Variants in TMEM200A observed in about 807,000 individuals in gnomAD.
TMEM200A encodes the protein transmembrane protein 200A, also known as two transmembrane C.
Under a neutral mutation model 24.3 loss-of-function variants are expected in TMEM200A, and 12 were observed. The observed-to-expected ratio is 0.49, with a 90% CI of 0.32 to 0.80. The LOEUF (loss-of-function observed/expected upper bound fraction) is 0.80. TMEM200A is among the 30% of genes least tolerant of loss of function. The pLI is 0.04. For missense variants in TMEM200A, 545 were observed against 614.4 expected, an observed-to-expected ratio of 0.89 and a Z score of 1.19; for synonymous variants, 224 against 224.4, an observed-to-expected ratio of 1.00 and a Z score of 0.02.
At chr6:130,430,434 A>T (rs957356556) in intron 2 of TMEM200A, among the ~76,000 whole-genome samples, 2 of 152,312 alleles carry the variant, frequency 1.3e-5, no homozygotes, top group South Asian at 4.1e-4. Flanking sequence ...AAACAGACCG[A>T]GAAATACATT....
chr6:130,385,410 T>C (rs1778689331), intron 2 of TMEM200A, among the ~76,000 whole-genome samples, 174 bp downstream of exon 2: 1 of 152,226 alleles, frequency 6.6e-6, no homozygotes, highest in Admixed American at 6.5e-5. Flanking sequence ...ACCAGATGTC[T>C]TATTTGGACA....
At chr6:130,422,576 T>C (rs890435812) in intron 2 of TMEM200A, among the ~76,000 whole-genome samples, 4 of 152,198 alleles carry the variant, frequency 2.6e-5, no homozygotes, top group African/African-American at 9.6e-5. Flanking sequence ...CTTATTGTAC[T>C]TTTTAATGTT....
intron 2 of TMEM200A, among the ~76,000 whole-genome samples, chr6:130,411,130 T>C (rs1256195061): frequency 1.3e-5 from 2 of 151,924 alleles, no homozygotes; most frequent in Non-Finnish European, 2.9e-5. Flanking sequence ...GATTGTGCCA[T>C]TGCATTCCAG....
intron 2 of TMEM200A, among the ~76,000 whole-genome samples, chr6:130,427,602 G>A (rs556541203): frequency 1.3e-5 from 2 of 152,000 alleles, no homozygotes; most frequent in Admixed American, 6.6e-5. Flanking sequence ...TGGACATTTC[G>A]ATTTTTGAAA....
intron 1 of TMEM200A, among the ~76,000 whole-genome samples, chr6:130,369,614 C>A (rs994378639): frequency 2.0e-5 from 3 of 152,172 alleles, no homozygotes; most frequent in African/African-American, 4.8e-5. Context: ...TTGACTATCA[C>A]AGAGTAATTG....
At chr6:130,394,422 G>A (rs1235416707) in intron 2 of TMEM200A, among the ~76,000 whole-genome samples, 1 of 152,178 alleles carries the variant, frequency 6.6e-6, no homozygotes, top group Non-Finnish European at 1.5e-5. Context: ...ACTCAGAGTG[G>A]CAGGGGTGGC....
Position 130,441,922 on chromosome 6 carries a change from C to T in TMEM200A, c.*24C>T. Reference sequence around the variant, plus strand: ...AATGTTAAAAGAATATATCATTTTACAAGGGTATATATTTTAAAACGATTT... The same window carrying T: ...AATGTTAAAAGAATATATCATTTTATAAGGGTATATATTTTAAAACGATTT... On this transcript the variant is annotated 3_prime_UTR_variant, in exon 3 of 3. Transcript: ENST00000296978. 1 of 1,561,962 alleles carries T rather than the reference C, an allele frequency of 6.4e-7. No homozygotes were observed. The highest frequency in any genetic ancestry group is 8.6e-7 in the Non-Finnish European group (1 of 1,156,820).
chr6:130,404,753 A>G (rs974176336), intron 2 of TMEM200A, among the ~76,000 whole-genome samples: 2 of 126,638 alleles, frequency 1.6e-5, no homozygotes, highest in African/African-American at 8.2e-5. Context: ...GCCCTTACCT[A>G]TGTCCTGAAT....
intron 1 of TMEM200A, among the ~76,000 whole-genome samples, chr6:130,381,005 G>A (rs866118292): frequency 6.6e-6 from 1 of 152,120 alleles, no homozygotes; most frequent in Non-Finnish European, 1.5e-5. Context: ...TAAAAATTAA[G>A]TTTCAGAAGT....
intron 2 of TMEM200A, among the ~76,000 whole-genome samples, chr6:130,412,347 G>A (rs953800798): frequency 2.0e-5 from 3 of 151,988 alleles, no homozygotes; most frequent in African/African-American, 7.3e-5. Context: ...CTGCCCCACA[G>A]GGACTCCTGC....
At chr6:130,427,483 G>A (rs548296447) in intron 2 of TMEM200A, among the ~76,000 whole-genome samples, 6 of 152,092 alleles carry the variant, frequency 3.9e-5, no homozygotes, top group Non-Finnish European at 7.4e-5. Context: ...TTACTATCGT[G>A]CTGCAGTGAA....
intron 2 of TMEM200A, among the ~76,000 whole-genome samples, chr6:130,434,946 G>A (rs10485239): frequency 0.058 from 8,767 of 151,918 alleles, 536 homozygotes; most frequent in East Asian, 0.28. Flanking sequence ...TAGCCCAACA[G>A]TATCCTAGTT....
chr6:130,377,794 C>A (rs890890939), intron 1 of TMEM200A, among the ~76,000 whole-genome samples: 1 of 152,110 alleles, frequency 6.6e-6, no homozygotes, highest in African/African-American at 2.4e-5. Flanking sequence ...TATATTCCAG[C>A]TGGGGAAGAC....
intron 2 of TMEM200A, among the ~76,000 whole-genome samples, chr6:130,424,678 A>T (rs1282611648): frequency 6.6e-6 from 1 of 152,186 alleles, no homozygotes. Flanking sequence ...TAGTCCCCAC[A>T]TTATGGGAAG....
At chr6:130,365,796 G>T, upstream of TMEM200A, 1 of 985,488 alleles carries the variant, frequency 1.0e-6, no homozygotes, top group Non-Finnish European at 1.2e-6. Context: ...TGGCCGGGAC[G>T]CGGATCGGCC....
Position 130,411,116 on chromosome 6 carries a change from C to A in TMEM200A, c.-17+25880C>A, listed in dbSNP as rs142896091. On this transcript the variant is annotated intron_variant, in intron 2 of 2. Transcript: ENST00000296978. ...CCTGGGAGGCAGAGGTTGCAGTGAG[C>A]CGAGATTGTGCCATTGCATTCCAGC... Among the ~76,000 whole-genome samples, 750 of 151,958 alleles carry A rather than the reference C, an allele frequency of 4.9e-3. 9 individuals carry two copies. Among genetic ancestry groups the A allele is most frequent in the African/African-American group, 0.016 (645 of 41,428 alleles).
chr6:130,412,965 T>C (rs2115164104), intron 2 of TMEM200A, among the ~76,000 whole-genome samples: 1 of 152,354 alleles, frequency 6.6e-6, no homozygotes, highest in Non-Finnish European at 1.5e-5. Flanking sequence ...GAGAAATGAA[T>C]GTATATTTAT....
At chr6:130,378,741 AAG>A (rs1177869868) in intron 1 of TMEM200A, among the ~76,000 whole-genome samples, 1 of 151,762 alleles carries the variant, frequency 6.6e-6, no homozygotes, top group East Asian at 1.9e-4. Context: ...AAAAAAAAAA[AAG>A]ATCTTGAGTA....
intron 1 of TMEM200A, among the ~76,000 whole-genome samples, chr6:130,379,290 G>A (rs954903393): frequency 6.6e-6 from 1 of 151,332 alleles, no homozygotes; most frequent in Non-Finnish European, 1.5e-5. Flanking sequence ...AAGGAGAAGA[G>A]GAGACTTTCT....
Sources: gnomAD v4.1 joint callset for allele counts (sites outside exome capture counted in the v4.1 genomes callset) on GRCh38, gnomAD v4.1.1 for gene constraint, MANE v1.5 for transcripts, NCBI Gene and HGNC (gene_info 2026-07-23, HGNC 2026-07-21) for gene names.